The following BACH2 variants were observed in gnomAD, a reference collection of about 807,000 sequenced individuals.
BACH2 encodes the protein BACH transcriptional regulator 2, also known as transcription regulator protein BACH2.
BACH2 carries 5 observed loss-of-function variants against 61.8 expected under a neutral mutation model. That is an observed-to-expected ratio of 0.08 (90% CI 0.04 to 0.17). BACH2 has a LOEUF of 0.17. BACH2 is among the 10% of genes least tolerant of loss of function. The pLI is 1.00. For missense variants in BACH2, 824 were observed against 1,091.1 expected (o/e 0.76, Z 3.45); for synonymous variants, 446 against 440.1 (o/e 1.01, Z -0.17).
Position 90,190,723 on chromosome 6 carries a change from C to G in BACH2, c.-162+15846G>C, listed in dbSNP as rs562003124. ...AATCTGATGGGAGCTATGAACCATT[C>G]TCCCTCCAGAAAAATGTATATGCAT... is the stretch of plus-strand genomic sequence containing the variant. On this transcript the variant is annotated intron_variant, in intron 4 of 8. Transcript: ENST00000257749. 2.1e-4 allele frequency among the ~76,000 whole-genome samples: 32 copies of G among 152,344 alleles called. No homozygotes were observed. The East Asian group carries it at 6.0e-3, about 28-fold the overall frequency.
chr6:90,028,076 T>A (rs1035708515), intron 5 of BACH2, among the ~76,000 whole-genome samples: 3 of 152,332 alleles, frequency 2.0e-5, no homozygotes, highest in East Asian at 1.9e-4. Context: ...ATTCTGGTAC[T>A]TGCTGGCAAC....
At chr6:89,960,453 T>C (rs928820636) in intron 6 of BACH2, among the ~76,000 whole-genome samples, 5 of 152,352 alleles carry the variant, frequency 3.3e-5, no homozygotes, top group South Asian at 4.1e-4. Flanking sequence ...TATGGAAACA[T>C]GTTATTGTAA....
intron 5 of BACH2, among the ~76,000 whole-genome samples, chr6:90,035,764 G>T (rs574777133): frequency 6.6e-6 from 1 of 152,080 alleles, no homozygotes; most frequent in Admixed American, 6.6e-5. Context: ...TAGATCATCT[G>T]ATTGAATATG....
chr6:90,188,581 A>G (rs1478648705), intron 4 of BACH2, among the ~76,000 whole-genome samples: 1 of 152,096 alleles, frequency 6.6e-6, no homozygotes. Flanking sequence ...TGTGTGCCAT[A>G]CTGTGTACTC....
At chr6:90,074,989 T>C (rs1414142790) in intron 5 of BACH2, among the ~76,000 whole-genome samples, 3 of 152,158 alleles carry the variant, frequency 2.0e-5, no homozygotes, top group Non-Finnish European at 4.4e-5. Context: ...GTTTTAGATG[T>C]TGTTAAATCC....
chr6:90,217,503 G>A (rs533649600), intron 3 of BACH2, among the ~76,000 whole-genome samples: 6 of 152,088 alleles, frequency 3.9e-5, no homozygotes, highest in Admixed American at 3.9e-4. Flanking sequence ...GATAATCAGG[G>A]TGACTATTTT....
At chr6:90,018,663 T>C (rs1778200380) in intron 5 of BACH2, among the ~76,000 whole-genome samples, 1 of 152,218 alleles carries the variant, frequency 6.6e-6, no homozygotes, top group Non-Finnish European at 1.5e-5. Flanking sequence ...CCACATAGTA[T>C]AAACTTTGCT....
In BACH2 at chr6:89,926,926, G is replaced by A. The variant is rs45610136; in HGVS notation, c.*5482C>T. 6.5e-6 allele frequency: 1 copy of A among 152,902 alleles called. No homozygotes were observed. Among genetic ancestry groups the A allele is most frequent in the Non-Finnish European group, 1.5e-5 (1 of 68,034 alleles). 9.5% of individuals were successfully genotyped at this position (152,902 alleles called of 1,614,324 possible). A position where few individuals can be genotyped will look rare whatever the true frequency, so the allele number is the denominator to read the frequency against. ...TGTAACCTGTTACAGTCGTTGACCAGTTATGAGAGGTACAGAGGGTTATAC... is the reference window on the plus strand; with the variant it reads ...TGTAACCTGTTACAGTCGTTGACCAATTATGAGAGGTACAGAGGGTTATAC... On this transcript the variant is annotated 3_prime_UTR_variant, in exon 9 of 9. Coordinates refer to ENST00000257749, the MANE Select transcript of BACH2 (RefSeq NM_021813.4).
At chr6:90,047,967 C>T (rs1038674599) in intron 5 of BACH2, among the ~76,000 whole-genome samples, 1 of 152,126 alleles carries the variant, frequency 6.6e-6, no homozygotes, top group Non-Finnish European at 1.5e-5. Context: ...AAACCTGAAG[C>T]AAACAGAGCA....
At chr6:90,204,738 T>C (rs1299601932) in intron 4 of BACH2, among the ~76,000 whole-genome samples, 1 of 152,132 alleles carries the variant, frequency 6.6e-6, no homozygotes, top group Non-Finnish European at 1.5e-5. Context: ...CTCCAAATAC[T>C]AGGAGCCAAA....
intron 4 of BACH2, among the ~76,000 whole-genome samples, chr6:90,200,982 A>T (rs1359001048): frequency 6.6e-6 from 1 of 152,088 alleles, no homozygotes; most frequent in African/African-American, 2.4e-5. Flanking sequence ...ACCTTTTTTT[A>T]AAAAATGAAA....
At chr6:90,144,226 A>G (rs984101171) in intron 4 of BACH2, among the ~76,000 whole-genome samples, 40 of 152,376 alleles carry the variant, frequency 2.6e-4, no homozygotes, top group African/African-American at 9.6e-4. Context: ...CACATCTGTT[A>G]ATTGTGTACA....
intron 3 of BACH2, among the ~76,000 whole-genome samples, chr6:90,227,074 T>C (rs1160889571): frequency 6.6e-6 from 1 of 152,240 alleles, no homozygotes; most frequent in African/African-American, 2.4e-5. Flanking sequence ...GAAGTTTGAA[T>C]AAGGCCTTCA....
chr6:90,142,927 G>A (rs1224747745), intron 4 of BACH2, among the ~76,000 whole-genome samples: 1 of 152,184 alleles, frequency 6.6e-6, no homozygotes, highest in Non-Finnish European at 1.5e-5. Context: ...CTAGCCTTGG[G>A]TGTGATTTAA....
chr6:90,009,853 C>T (rs548078771), intron 5 of BACH2, among the ~76,000 whole-genome samples: 3 of 152,238 alleles, frequency 2.0e-5, no homozygotes, highest in East Asian at 3.9e-4. Flanking sequence ...TTAGTACAGA[C>T]GGGATTTCAC....
intron 5 of BACH2, among the ~76,000 whole-genome samples, chr6:90,050,365 G>A (rs906644768): frequency 6.6e-6 from 1 of 152,132 alleles, no homozygotes. Flanking sequence ...GTTACCACTT[G>A]TCAAATTTTA....
intron 4 of BACH2, among the ~76,000 whole-genome samples, chr6:90,091,551 T>C (rs1000520919): frequency 2.0e-5 from 3 of 152,170 alleles, no homozygotes; most frequent in Admixed American, 1.3e-4. Context: ...CTTTCCCCTT[T>C]ATGTATATTT....
At chr6:90,222,917 G>A (rs563563282) in intron 3 of BACH2, among the ~76,000 whole-genome samples, 2 of 151,358 alleles carry the variant, frequency 1.3e-5, no homozygotes, top group African/African-American at 2.4e-5. Context: ...CCTTCCTGCC[G>A]AAACTACTCA....
At chr6:90,212,336 A>C (rs1252662232) in intron 3 of BACH2, among the ~76,000 whole-genome samples, 2 of 152,154 alleles carry the variant, frequency 1.3e-5, no homozygotes, top group Non-Finnish European at 2.9e-5. Context: ...CCTTCTTTCC[A>C]AGTGGCTGGC....
Sources: gnomAD v4.1 joint callset for allele counts (sites outside exome capture counted in the v4.1 genomes callset) on GRCh38, gnomAD v4.1.1 for gene constraint, MANE v1.5 for transcripts, NCBI Gene and HGNC (gene_info 2026-07-23, HGNC 2026-07-21) for gene names.